The following ZNF143 variants were observed in gnomAD, a reference collection of about 807,000 sequenced individuals.
ZNF143 encodes zinc finger protein 143.
Under a neutral mutation model 74.1 loss-of-function variants are expected in ZNF143, and 49 were observed. The observed-to-expected ratio is 0.66, with a 90% CI of 0.53 to 0.84. The LOEUF is 0.84. Among genes scored for constraint, ZNF143 ranks in the 40% least tolerant of loss-of-function variants. The pLI is 0.00. For missense variants in ZNF143, 637 were observed against 793.4 expected (o/e 0.80, Z 2.37); for synonymous variants, 304 against 282.8 (o/e 1.07, Z -0.75).
In ZNF143 at chr11:9,471,250, T is replaced by G. The variant is rs1416377790; in HGVS notation, c.-7-52T>G. The stretch of plus-strand genomic sequence containing the variant: ...GGTTCATAAATATTCTTTGTAACTT[T>G]CATTTCACATGTATCATTCTTTGTT... On this transcript the variant is annotated intron_variant, in intron 1 of 15. Transcript: ENST00000396602. The G allele has an allele frequency of 3.5e-6, 5 of 1,428,588 alleles. No individual in the cohort carries two copies. The East Asian group carries it at 9.3e-5, about 27-fold the overall frequency. The allele number at this position is 1,428,588 out of a possible 1,614,324, so 88.5% of individuals were successfully genotyped here. A position where few individuals can be genotyped will look rare whatever the true frequency, so the allele number is the denominator to read the frequency against.
chr11:9,467,117 C>G (rs912729945), intron 1 of ZNF143, among the ~76,000 whole-genome samples: 4 of 152,012 alleles, frequency 2.6e-5, no homozygotes, highest in African/African-American at 9.7e-5. Context: ...TGCTCTCAAT[C>G]TCCTGACCTC....
At chr11:9,462,863 G>A (rs571717729) in intron 1 of ZNF143, among the ~76,000 whole-genome samples, 2 of 152,118 alleles carry the variant, frequency 1.3e-5, no homozygotes, top group South Asian at 2.1e-4. Flanking sequence ...CAACAAGAGC[G>A]AAACTCCGTC....
chr11:9,500,244 G>C (rs1237580855), intron 10 of ZNF143, among the ~76,000 whole-genome samples: 1 of 151,980 alleles, frequency 6.6e-6, no homozygotes, highest in Non-Finnish European at 1.5e-5. Flanking sequence ...GCTGTGCCTG[G>C]CCAGACTTTT....
intron 7 of ZNF143, among the ~76,000 whole-genome samples, chr11:9,492,767 G>A (rs958355178): frequency 4.6e-5 from 7 of 152,050 alleles, no homozygotes; most frequent in Non-Finnish European, 1.0e-4. Context: ...GAGTTATGAA[G>A]GCATATAAGA....
At position 9,525,281 on chromosome 11, in the gene ZNF143, C is replaced by A; in HGVS notation, c.1728C>A (p.Ala576=). The A allele has an allele frequency of 6.2e-7, 1 of 1,614,144 alleles. No individual in the cohort carries two copies. The highest frequency in any genetic ancestry group is 8.5e-7 in the Non-Finnish European group (1 of 1,180,036). The change falls in exon 15 of 16, where the codon GCC becomes GCA. Residue 576 remains alanine, a synonymous_variant. Coordinates refer to ENST00000396602, the MANE Select transcript of ZNF143 (RefSeq NM_003442.6). ...VAQDLAAFHT[A]SSEMGHQQHS... is the part of the protein sequence containing the mutation. ...AAGACTTGGCAGCATTCCATACTGC[C>A]TCATCAGAAATGGGGCACCAGCAGC...
intron 5 of ZNF143, among the ~76,000 whole-genome samples, chr11:9,477,205 C>CCTCTCCCTCCCTTCCCTT (rs1856977238): frequency 1.8e-5 from 2 of 108,228 alleles, no homozygotes; most frequent in African/African-American, 4.5e-5. Flanking sequence ...TCCTTTCCCT[C>CCTCTCCCTCCCTTCCCTT]CCTTCCCTTC....
At position 9,484,605 on chromosome 11, in the gene ZNF143, G is replaced by GTT. The variant is rs35344229; in HGVS notation, c.645+5071_645+5072dup. On this transcript the variant is annotated intron_variant, in intron 7 of 15. Transcript: ENST00000396602. ...GTTATCTTAGGGGCAAAAGTTTGGT[G>GTT]TTTTTTTTTTTTTGTTTATTTTTTG... Among the ~76,000 whole-genome samples, 8 of 135,516 alleles carry GTT rather than the reference G, an allele frequency of 5.9e-5. No homozygotes were observed. The East Asian group carries it at 6.4e-4, about 11-fold the overall frequency. 88.9% of individuals were successfully genotyped at this position (135,516 alleles called of 152,430 possible).
intron 6 of ZNF143, among the ~76,000 whole-genome samples, chr11:9,479,216 G>T (rs1847142604): frequency 6.6e-6 from 1 of 151,586 alleles, no homozygotes; most frequent in Non-Finnish European, 1.5e-5. Context: ...TTTTGTCCAG[G>T]CTGGTCTTGA....
chr11:9,488,182 G>A (rs1847634673), intron 7 of ZNF143, among the ~76,000 whole-genome samples: 1 of 152,100 alleles, frequency 6.6e-6, no homozygotes, highest in African/African-American at 2.4e-5. Context: ...CTTGTGAGGC[G>A]GAGGTTACAG....
chr11:9,523,213 C>T (rs1849000667), intron 14 of ZNF143, among the ~76,000 whole-genome samples: 1 of 151,580 alleles, frequency 6.6e-6, no homozygotes, highest in Non-Finnish European at 1.5e-5. Flanking sequence ...GGGTTTTGTA[C>T]TTTGTTAAGG....
chr11:9,467,501 G>T (rs1856309465), intron 1 of ZNF143, among the ~76,000 whole-genome samples: 1 of 151,990 alleles, frequency 6.6e-6, no homozygotes, highest in Non-Finnish European at 1.5e-5. Flanking sequence ...CTTTCAAAGT[G>T]CTGGGATTAT....
At chr11:9,472,285 C>T (rs183781556) in intron 2 of ZNF143, among the ~76,000 whole-genome samples, 39 of 152,034 alleles carry the variant, frequency 2.6e-4, no homozygotes, top group African/African-American at 8.7e-4. Context: ...CGGAGTCTGG[C>T]TCTGTCGCCC....
At chr11:9,517,711 T>G (rs1848773299) in intron 14 of ZNF143, among the ~76,000 whole-genome samples, 1 of 152,194 alleles carries the variant, frequency 6.6e-6, no homozygotes, top group Admixed American at 6.5e-5. Flanking sequence ...AGGCCAATGT[T>G]GAGTCTCACT....
At chr11:9,486,363 T>TATATTATATATATAA (rs1491555379) in intron 7 of ZNF143, among the ~76,000 whole-genome samples, 16 of 41,228 alleles carry the variant, frequency 3.9e-4, no homozygotes, top group South Asian at 1.1e-3. Flanking sequence ...TATATATATA[T>TATATTATATATATAA]TATATATAAT....
intron 7 of ZNF143, among the ~76,000 whole-genome samples, chr11:9,483,322 G>A (rs918754449): frequency 3.9e-4 from 40 of 103,002 alleles, no homozygotes; most frequent in South Asian, 1.6e-3. Flanking sequence ...TTTGGAGACG[G>A]CATCTCGCTC....
chr11:9,498,128 C>T (rs1848034442), intron 10 of ZNF143, among the ~76,000 whole-genome samples: 1 of 152,250 alleles, frequency 6.6e-6, no homozygotes, highest in African/African-American at 2.4e-5. Context: ...CCGCGCCCGG[C>T]CTAGGCCAAG....
At chr11:9,512,782 G>A (rs2134183594) in intron 13 of ZNF143, among the ~76,000 whole-genome samples, 186 bp downstream of exon 13, 1 of 152,308 alleles carries the variant, frequency 6.6e-6, no homozygotes, top group Middle Eastern at 3.4e-3. Context: ...GAAGGTTTGT[G>A]ACTGTAGAAT....
intron 13 of ZNF143, among the ~76,000 whole-genome samples, chr11:9,515,377 T>C (rs1040984985): frequency 2.0e-5 from 3 of 151,544 alleles, no homozygotes; most frequent in Non-Finnish European, 4.4e-5. Context: ...TTGCCGGGTG[T>C]GGTGGCTCAT....
chr11:9,491,576 T>G (rs1847778305), intron 7 of ZNF143, among the ~76,000 whole-genome samples: 1 of 151,614 alleles, frequency 6.6e-6, no homozygotes, highest in African/African-American at 2.4e-5. Context: ...GAGGCGGAGC[T>G]ACAGTGAGCG....
Sources: allele counts gnomAD v4.1 joint callset (sites outside exome capture counted in the v4.1 genomes callset), GRCh38; gene constraint gnomAD v4.1.1; transcripts MANE v1.5; gene names NCBI Gene and HGNC (gene_info 2026-07-23, HGNC 2026-07-21).